The following CDK14 variants were observed in gnomAD, a reference collection of about 807,000 sequenced individuals.
The protein encoded by CDK14 is cyclin dependent kinase 14.
Under a neutral mutation model 60.7 loss-of-function variants are expected in CDK14, and 34 were observed. That is an observed-to-expected ratio of 0.56 (90% CI 0.43 to 0.75). CDK14 has a LOEUF of 0.75. Ranked by LOEUF, CDK14 falls within the 30% of genes least tolerant of loss-of-function variation. The probability of loss-of-function intolerance (pLI) is 0.00; values close to 1 mark genes in which losing one functional copy is unlikely to be tolerated. For synonymous variants in CDK14, 197 were observed against 203.7 expected (o/e 0.97, Z 0.28); for missense variants, 482 against 564.1 (o/e 0.85, Z 1.47).
intron 6 of CDK14, among the ~76,000 whole-genome samples, chr7:90,881,617 C>A (rs1300029773): frequency 6.6e-6 from 1 of 152,042 alleles, no homozygotes; most frequent in East Asian, 1.9e-4. Context: ...AGAAGATTAA[C>A]CCCAAGACAC....
intron 7 of CDK14, among the ~76,000 whole-genome samples, chr7:90,914,619 A>G (rs920324265): frequency 9.2e-5 from 14 of 152,126 alleles, no homozygotes; most frequent in African/African-American, 3.4e-4. Context: ...TCATGTATAC[A>G]CTTAGAATTT....
chr7:90,669,492 A>G (rs1317674602), intron 2 of CDK14, among the ~76,000 whole-genome samples: 1 of 152,228 alleles, frequency 6.6e-6, no homozygotes, highest in South Asian at 2.1e-4. Flanking sequence ...TGAGAGAGAT[A>G]CCTATAATTA....
intron 14 of CDK14, among the ~76,000 whole-genome samples, chr7:91,206,480 C>G (rs1422421357): frequency 2.0e-5 from 3 of 152,200 alleles, no homozygotes; most frequent in Non-Finnish European, 4.4e-5. Flanking sequence ...CTTTTCCCAT[C>G]CTGGAGACTC....
At chr7:91,025,008 T>A (rs573228368) in intron 10 of CDK14, among the ~76,000 whole-genome samples, 2 of 152,314 alleles carry the variant, frequency 1.3e-5, no homozygotes, top group Admixed American at 6.5e-5. Flanking sequence ...AATTTTGAAG[T>A]AATTTAGGAA....
At chr7:90,691,562 G>A (rs1384310630) in intron 2 of CDK14, among the ~76,000 whole-genome samples, 1 of 152,112 alleles carries the variant, frequency 6.6e-6, no homozygotes, top group South Asian at 2.1e-4. Context: ...CTTGTAGGCT[G>A]CTGTAAAATT....
At chr7:90,638,465 C>G (rs1800217734) in intron 2 of CDK14, among the ~76,000 whole-genome samples, 1 of 152,226 alleles carries the variant, frequency 6.6e-6, no homozygotes, top group South Asian at 2.1e-4. Flanking sequence ...GGCCCCCACT[C>G]TCTTCTGGCT....
chr7:91,006,908 C>A (rs1795994478), intron 10 of CDK14, among the ~76,000 whole-genome samples: 1 of 152,174 alleles, frequency 6.6e-6, no homozygotes, highest in Non-Finnish European at 1.5e-5. Context: ...ATGGCTGTTA[C>A]ATATTTATCC....
intron 14 of CDK14, among the ~76,000 whole-genome samples, chr7:91,127,932 G>A (rs1230140345): frequency 6.6e-6 from 1 of 152,116 alleles, no homozygotes; most frequent in Non-Finnish European, 1.5e-5. Context: ...TGTATCAAAT[G>A]AGCTTTTGTT....
chr7:90,613,363 T>A (rs1799583248), intron 2 of CDK14, among the ~76,000 whole-genome samples: 1 of 152,212 alleles, frequency 6.6e-6, no homozygotes, highest in Non-Finnish European at 1.5e-5. Context: ...GGGTGGTTAG[T>A]GTTCCCTCCT....
chr7:90,841,481 T>C (rs936484642), intron 5 of CDK14, among the ~76,000 whole-genome samples: 2 of 151,988 alleles, frequency 1.3e-5, no homozygotes, highest in Non-Finnish European at 2.9e-5. Flanking sequence ...TATTTAAAAA[T>C]AAAAGTAATA....
Position 90,707,729 on chromosome 7 carries a change from C to G in CDK14, c.124-18838C>G, listed in dbSNP as rs545116330. 3.1e-3 allele frequency among the ~76,000 whole-genome samples: 475 copies of G among 152,258 alleles called. 1 individual carries two copies. Among genetic ancestry groups the G allele is most frequent in the Non-Finnish European group, 5.3e-3 (360 of 68,008 alleles). ...TCCAGTTTCAGGCTTCATGCTATTCCCCAAATGTCCTTCTTCTCCTGGGTA... is the reference window on the plus strand; with the variant it reads ...TCCAGTTTCAGGCTTCATGCTATTCGCCAAATGTCCTTCTTCTCCTGGGTA... On this transcript the variant is annotated intron_variant, in intron 2 of 14. Coordinates refer to ENST00000380050, the MANE Select transcript of CDK14 (RefSeq NM_001287135.2).
intron 9 of CDK14, among the ~76,000 whole-genome samples, chr7:90,974,305 A>G (rs1292965032): frequency 9.2e-6 from 1 of 108,864 alleles, no homozygotes; most frequent in African/African-American, 3.3e-5. Flanking sequence ...TCAAACACAC[A>G]TGTTTTACAA....
chr7:90,911,344 A>G (rs1021489225), intron 7 of CDK14, among the ~76,000 whole-genome samples: 2 of 152,212 alleles, frequency 1.3e-5, no homozygotes, highest in African/African-American at 4.8e-5. Context: ...CAACCACTCA[A>G]CCAACCATGT....
At chr7:90,645,722 C>A (rs925497129) in intron 2 of CDK14, among the ~76,000 whole-genome samples, 3 of 152,046 alleles carry the variant, frequency 2.0e-5, no homozygotes, top group African/African-American at 4.8e-5. Flanking sequence ...GTTAGATGAA[C>A]CAAACAGCCT....
intron 5 of CDK14, among the ~76,000 whole-genome samples, chr7:90,834,102 A>C (rs1345201476): frequency 6.6e-6 from 1 of 152,212 alleles, no homozygotes; most frequent in Non-Finnish European, 1.5e-5. Context: ...TAGGCTCAAA[A>C]TATCAGTGGC....
chr7:90,837,760 G>A (rs968263611), intron 5 of CDK14, among the ~76,000 whole-genome samples: 43 of 152,156 alleles, frequency 2.8e-4, no homozygotes, highest in African/African-American at 9.7e-4. Context: ...GTCAGGGGAA[G>A]GTGGGCAGAC....
chr7:90,779,214 T>A (rs1187135051), intron 4 of CDK14, among the ~76,000 whole-genome samples: 2 of 151,994 alleles, frequency 1.3e-5, no homozygotes, highest in African/African-American at 4.8e-5. Context: ...GATTGCGCCA[T>A]TGTACTCCAG....
chr7:91,177,905 A>G (rs1801831538), intron 14 of CDK14, among the ~76,000 whole-genome samples: 2 of 146,430 alleles, frequency 1.4e-5, no homozygotes, highest in Admixed American at 6.9e-5. Context: ...TTATAGATTC[A>G]ATGCCATCCC....
intron 14 of CDK14, among the ~76,000 whole-genome samples, chr7:91,166,336 A>G (rs1490038617): frequency 6.6e-6 from 1 of 152,194 alleles, no homozygotes; most frequent in African/African-American, 2.4e-5. Context: ...GACCTAGTTG[A>G]ACATAAATAC....
Sources: allele counts gnomAD v4.1 joint callset (sites outside exome capture counted in the v4.1 genomes callset), GRCh38; gene constraint gnomAD v4.1.1; transcripts MANE v1.5; gene names NCBI Gene and HGNC (gene_info 2026-07-23, HGNC 2026-07-21).